NBR1: variants seen among roughly 807,000 people sequenced by gnomAD.
NBR1 encodes the protein NBR1 autophagy cargo receptor.
A neutral mutation model predicts 115.5 loss-of-function variants in NBR1; 59 were observed. The ratio of observed to expected loss-of-function variants is 0.51; its 90% CI spans 0.41 to 0.63. The LOEUF (loss-of-function observed/expected upper bound fraction) is 0.63. Among genes scored for constraint, NBR1 ranks in the 30% least tolerant of loss-of-function variants. The probability of loss-of-function intolerance (pLI) is 0.00; values close to 1 mark genes in which losing one functional copy is unlikely to be tolerated. For synonymous variants in NBR1, 373 were observed against 414.7 expected (o/e 0.90, Z 1.22); for missense variants, 1,043 against 1,150.5 (o/e 0.91, Z 1.35).
At chr17:43,177,588 CA>C (rs1287605135) in intron 2 of NBR1, among the ~76,000 whole-genome samples, 94 of 145,660 alleles carry the variant, frequency 6.5e-4, no homozygotes, top group Non-Finnish European at 1.1e-3. Context: ...CACACACACA[CA>C]CACACACACA....
Position 43,200,574 on chromosome 17 carries a change from C to G in NBR1, c.2434C>G (p.Pro812Ala). ...GACTCTGGAAACAGTGCCCCTAATC[C>G]CAGAGGTAGTGGAGCTTCCACCGTC... ...SQTLETVPLI[P>A]EVVELPPSLP... is the part of the protein sequence containing the mutation. The change falls in exon 17 of 21, where the codon CCA becomes GCA. Residue 812 changes from proline to alanine, a missense_variant. Physicochemically the swap from Pro to Ala is conservative, Grantham distance 27. Transcript: ENST00000590996. The G allele has an allele frequency of 6.2e-7, 1 of 1,611,412 alleles. No homozygotes were observed.
intron 16 of NBR1, among the ~76,000 whole-genome samples, chr17:43,197,630 C>T (rs1375555944): frequency 1.3e-5 from 2 of 152,132 alleles, no homozygotes; most frequent in Non-Finnish European, 2.9e-5. Flanking sequence ...CTCATTTCTC[C>T]ATCTTCTCAG....
chr17:43,201,613 T>C lies in NBR1; in HGVS notation c.2469-73T>C, dbSNP rs1431913683. ...TGTAGAGAATTTGGCACTGCTGTGCTGTGTTTACTATTTCTCCACTGTTGC... is the reference window on the plus strand; with the variant it reads ...TGTAGAGAATTTGGCACTGCTGTGCCGTGTTTACTATTTCTCCACTGTTGC... On this transcript the variant is annotated intron_variant, in intron 17 of 20. Coordinates refer to ENST00000590996, the MANE Select transcript of NBR1 (RefSeq NM_005899.5). 2.8e-5 allele frequency: 24 copies of C among 860,446 alleles called. No individual in the cohort carries two copies. The Admixed American group carries it at 4.0e-4, about 14-fold the overall frequency. The allele number at this position is 860,446 out of a possible 1,614,324, so 53.3% of individuals were successfully genotyped here.
chr17:43,209,823 T>G, intron 20 of NBR1, 78 bp from the exon 21 acceptor site: 1 of 1,460,686 alleles, frequency 6.8e-7, no homozygotes, highest in South Asian at 1.5e-5. Flanking sequence ...GCTTGCAAGA[T>G]GATACAAATG....
At chr17:43,191,088 C>A (rs964514609) in intron 9 of NBR1, among the ~76,000 whole-genome samples, 1 of 151,788 alleles carries the variant, frequency 6.6e-6, no homozygotes, top group Non-Finnish European at 1.5e-5. Context: ...CCCGCCTCTA[C>A]AAAAAAAATT....
intron 1 of NBR1, among the ~76,000 whole-genome samples, 159 bp from the exon 2 acceptor site, chr17:43,175,632 C>T (rs543500368): frequency 1.9e-5 from 2 of 106,132 alleles, no homozygotes; most frequent in African/African-American, 3.1e-5. Context: ...TGGTAAGTTT[C>T]GTAAGAACAG....
At chr17:43,195,152 G>A in intron 14 of NBR1, 113 bp downstream of exon 14, 1 of 805,736 alleles carries the variant, frequency 1.2e-6, no homozygotes, top group South Asian at 1.5e-5. Flanking sequence ...TTCTCCCACA[G>A]TAGGATAGTA....
At chr17:43,202,628 T>C in intron 18 of NBR1, 27 bp from the exon 19 acceptor site, 1 of 1,551,008 alleles carries the variant, frequency 6.4e-7, no homozygotes, top group Non-Finnish European at 8.7e-7. Context: ...GGATGCTGCA[T>C]CTAACCAACA....
In NBR1 at chr17:43,171,283, C is replaced by T. The variant is rs1395503983; in HGVS notation, c.-29C>T. 1 of 152,766 alleles carries T rather than the reference C, an allele frequency of 6.5e-6. No individual in the cohort carries two copies. Among genetic ancestry groups the T allele is most frequent in the Non-Finnish European group, 1.5e-5 (1 of 68,134 alleles). 9.5% of individuals were successfully genotyped at this position (152,766 alleles called of 1,614,324 possible). A position where few individuals can be genotyped will look rare whatever the true frequency, so the allele number is the denominator to read the frequency against. On this transcript the variant is annotated 5_prime_UTR_variant, in exon 1 of 21. Transcript: ENST00000590996. ...CCTTGCATTGGCCTCCGGCAGGCGC[C>T]CCCCGGGGGCGGGAAGCTGGTAAGG...
Position 43,209,999 on chromosome 17 carries a change from C to A in NBR1, c.2826C>A (p.His942Gln), listed in dbSNP as rs1567872290. 6.2e-7 allele frequency: 1 copy of A among 1,602,552 alleles called. No individual in the cohort carries two copies. Among genetic ancestry groups the A allele is most frequent in the Non-Finnish European group, 8.5e-7 (1 of 1,173,516 alleles). ...TGAACCTACGGCTGCTGAAGAAACA[C>A]AATTACAATATCCTGCAGGTTGTGA... Reference protein sequence around the residue: ...RQLNLRLLKKHNYNILQVVTE... With the variant: ...RQLNLRLLKKQNYNILQVVTE... Residue 942 changes from histidine (H) to glutamine (Q), a missense_variant, in exon 21 of 21, where the codon CAC becomes CAA. Physicochemically the swap from His to Gln is conservative, Grantham distance 24 (BLOSUM62 0). Transcript: ENST00000590996.
intron 12 of NBR1, among the ~76,000 whole-genome samples, 158 bp from the exon 13 acceptor site, chr17:43,194,192 G>T (rs1323627764): frequency 1.3e-5 from 2 of 152,170 alleles, no homozygotes; most frequent in Admixed American, 1.3e-4. Context: ...TCTCTCTGCT[G>T]TTTTTACAAC....
At chr17:43,173,105 C>G (rs2056417844) in intron 1 of NBR1, among the ~76,000 whole-genome samples, 1 of 152,112 alleles carries the variant, frequency 6.6e-6, no homozygotes. Flanking sequence ...GGATTACAGG[C>G]GTGAGCCACC....
chr17:43,174,224 A>G (rs2056449076), intron 1 of NBR1, among the ~76,000 whole-genome samples: 1 of 152,188 alleles, frequency 6.6e-6, no homozygotes, highest in African/African-American at 2.4e-5. Flanking sequence ...TAATTATGAA[A>G]GAAGCTAGCT....
chr17:43,184,254 G>C (rs1379251827), intron 5 of NBR1, among the ~76,000 whole-genome samples: 3 of 150,294 alleles, frequency 2.0e-5, no homozygotes, highest in African/African-American at 7.3e-5. Context: ...ATAGAGACAG[G>C]GCCTTGCTGT....
At chr17:43,185,546 A>G (rs765249928) in intron 5 of NBR1, among the ~76,000 whole-genome samples, 1 of 151,732 alleles carries the variant, frequency 6.6e-6, no homozygotes, top group East Asian at 1.9e-4. Context: ...AACTAAAACA[A>G]AAACCTTAGC....
chr17:43,198,577 G>A (rs983712151), intron 16 of NBR1, among the ~76,000 whole-genome samples: 1 of 151,928 alleles, frequency 6.6e-6, no homozygotes, highest in African/African-American at 2.4e-5. Context: ...GCTTGAACCC[G>A]GGAAGCCAAG....
chr17:43,170,532 G>C (rs2056326357), upstream of NBR1: 1 of 153,414 alleles, frequency 6.5e-6, no homozygotes, highest in Non-Finnish European at 1.5e-5. Context: ...GAATATCAGC[G>C]TAAGATAGTG....
chr17:43,175,410 A>G (rs547847295), intron 1 of NBR1, among the ~76,000 whole-genome samples: 7 of 152,352 alleles, frequency 4.6e-5, no homozygotes, highest in South Asian at 2.1e-4. Context: ...ACCAGTCATC[A>G]TAAAGTACCG....
At chr17:43,199,783 C>G (rs780630479) in intron 16 of NBR1, among the ~76,000 whole-genome samples, 5 of 152,120 alleles carry the variant, frequency 3.3e-5, no homozygotes, top group Non-Finnish European at 5.9e-5. Flanking sequence ...ACATATAATC[C>G]TGCAATACTC....
Sources: allele counts gnomAD v4.1 joint callset (sites outside exome capture counted in the v4.1 genomes callset), GRCh38; gene constraint gnomAD v4.1.1; transcripts MANE v1.5; gene names NCBI Gene and HGNC (gene_info 2026-07-23, HGNC 2026-07-21).